SPG11: variants seen among roughly 807,000 people sequenced by gnomAD.
SPG11 encodes the protein SPG11 vesicle trafficking associated, spatacsin.
In SPG11, 222 loss-of-function variants were observed where a neutral mutation model predicts 274.0. The ratio of observed to expected loss-of-function variants is 0.81; its 90% CI spans 0.73 to 0.91. The LOEUF (loss-of-function observed/expected upper bound fraction) is 0.91, where lower values mean the gene tolerates loss of function less well. Among genes scored for constraint, SPG11 ranks in the 40% least tolerant of loss-of-function variants. The pLI is 0.00. For missense variants in SPG11, 3,114 were observed against 2,872.7 expected (o/e 1.08, Z -1.92); for synonymous variants, 1,144 against 1,039.7 (o/e 1.10, Z -1.93).
intron 18 of SPG11, among the ~76,000 whole-genome samples, chr15:44,610,343 C>T (rs1030421738): frequency 6.6e-5 from 10 of 151,918 alleles, no homozygotes; most frequent in Non-Finnish European, 7.4e-5. Context: ...TGTGAGCCAC[C>T]GCACTTGGCT....
Position 44,589,336 on chromosome 15 carries a change from G to A in SPG11, c.4822C>T (p.Leu1608Phe), listed in dbSNP as rs1205123910. 1.2e-6 allele frequency: 2 copies of A among 1,614,030 alleles called. No individual in the cohort carries two copies. Among genetic ancestry groups the A allele is most frequent in the African/African-American group, 1.3e-5 (1 of 74,932 alleles). The change falls in exon 28 of 40, where the codon CTT (leucine) becomes TTT (phenylalanine). Residue 1608 changes from leucine to phenylalanine, a missense_variant. Leu to Phe is a conservative substitution (Grantham distance 22). Coordinates refer to ENST00000261866, the MANE Select transcript of SPG11 (RefSeq NM_025137.4). ...LEDQVCFLLK[L>F]MLQQCKTQYE... ...TGGGTCTTACACTGCTGTAGCATAA[G>A]CTTCAAAAGGAAACACACCTGATCC... is the stretch of plus-strand genomic sequence containing the variant.
At chr15:44,630,327 C>T (rs915815107) in intron 8 of SPG11, among the ~76,000 whole-genome samples, 3 of 152,138 alleles carry the variant, frequency 2.0e-5, no homozygotes, top group African/African-American at 7.2e-5. Context: ...ACCAGTGCTT[C>T]TCATTCAGGT....
intron 7 of SPG11, among the ~76,000 whole-genome samples, chr15:44,642,448 A>G (rs2084482000): frequency 1.3e-5 from 2 of 151,252 alleles, no homozygotes; most frequent in South Asian, 4.1e-4. Context: ...ATATATACAC[A>G]CACACACATA....
At chr15:44,570,843 C>G (rs2082408818) in intron 33 of SPG11, among the ~76,000 whole-genome samples, 185 bp from the exon 34 acceptor site, 4 of 152,156 alleles carry the variant, frequency 2.6e-5, no homozygotes, top group Admixed American at 6.5e-5. Flanking sequence ...TGATGACATC[C>G]AAATCATTCT....
intron 27 of SPG11, chr15:44,591,041 G>C (rs936421271): frequency 6.6e-6 from 1 of 152,122 alleles, no homozygotes; most frequent in African/African-American, 2.4e-5. Context: ...CCTCTATTTG[G>C]AATGAATTTC....
At chr15:44,628,327 C>T (rs926562087) in intron 10 of SPG11, among the ~76,000 whole-genome samples, 3 of 152,190 alleles carry the variant, frequency 2.0e-5, no homozygotes, top group Non-Finnish European at 4.4e-5. Context: ...TTTATCCAGT[C>T]AGGCAGAATG....
chr15:44,622,196 T>C, intron 13 of SPG11, 24 bp downstream of exon 13: 1 of 1,606,284 alleles, frequency 6.2e-7, no homozygotes, highest in East Asian at 2.2e-5. Context: ...TCTAATATTA[T>C]CAAAAGAGGA....
At chr15:44,584,938 T>C (rs1307605003) in intron 29 of SPG11, among the ~76,000 whole-genome samples, 1 of 152,216 alleles carries the variant, frequency 6.6e-6, no homozygotes, top group Non-Finnish European at 1.5e-5. Flanking sequence ...CTTATCATAC[T>C]TGTTAAAACC....
rs2083566808 is a variant in SPG11 at position 44,615,381 on chromosome 15, A to G, written c.3020T>C (p.Val1007Ala). ...TACTCACTTGTAACAGTCAAGGTAG[A>G]CATAAAGAAGATGCTGCAGACTGTG... ...LEHSLQHLLY[V>A]YLDCYKLSPE... Residue 1007 changes from valine (V) to alanine (A), a missense_variant, in exon 16 of 40, where the codon GTC becomes GCC. Val to Ala is a moderately conservative substitution (Grantham distance 64). Transcript: ENST00000261866. 5 of 1,613,862 alleles carry G rather than the reference A, an allele frequency of 3.1e-6. No homozygotes were observed. Among genetic ancestry groups the G allele is most frequent in the Non-Finnish European group, 4.2e-6 (5 of 1,179,972 alleles).
At chr15:44,582,031 A>G (rs1376995293) in intron 30 of SPG11, among the ~76,000 whole-genome samples, 1 of 152,204 alleles carries the variant, frequency 6.6e-6, no homozygotes, top group East Asian at 1.9e-4. Flanking sequence ...CCAAGATAAG[A>G]AAGATAACCT....
chr15:44,647,780 TG>T (rs2084648969), intron 7 of SPG11, among the ~76,000 whole-genome samples: 1 of 152,198 alleles, frequency 6.6e-6, no homozygotes, highest in African/African-American at 2.4e-5. Context: ...TGGCCACTAA[TG>T]GTTATGGACT....
At chr15:44,623,484 A>G (rs1391869594) in intron 11 of SPG11, among the ~76,000 whole-genome samples, 1 of 152,126 alleles carries the variant, frequency 6.6e-6, no homozygotes, top group Non-Finnish European at 1.5e-5. Context: ...GACCCCAACC[A>G]TGCAGGTTAG....
intron 30 of SPG11, among the ~76,000 whole-genome samples, chr15:44,583,514 C>T (rs1261139633): frequency 6.6e-6 from 1 of 152,122 alleles, no homozygotes. Context: ...TTTCTATATA[C>T]TATCAATGTA....
chr15:44,656,029 A>C (rs2084930271), intron 4 of SPG11, among the ~76,000 whole-genome samples: 1 of 152,194 alleles, frequency 6.6e-6, no homozygotes, highest in Non-Finnish European at 1.5e-5. Flanking sequence ...GAGGAAATGG[A>C]GAAAGGCCCC....
At chr15:44,624,239 G>A (rs553967387) in intron 11 of SPG11, among the ~76,000 whole-genome samples, 1 of 151,532 alleles carries the variant, frequency 6.6e-6, no homozygotes, top group South Asian at 2.1e-4. Flanking sequence ...TATAATCTCT[G>A]CACTTTGGGA....
chr15:44,578,596 C>G (rs992323795), intron 30 of SPG11, among the ~76,000 whole-genome samples: 3 of 152,198 alleles, frequency 2.0e-5, no homozygotes, highest in African/African-American at 7.2e-5. Context: ...CTGGACTACA[C>G]ATGTATGGCC....
intron 15 of SPG11, 80 bp downstream of exon 15, chr15:44,620,110 A>G (rs1002095370): frequency 1.3e-5 from 15 of 1,125,260 alleles, no homozygotes; most frequent in Non-Finnish European, 1.9e-5. Context: ...TGGCATTTCA[A>G]AGGAAAAGCT....
intron 35 of SPG11, among the ~76,000 whole-genome samples, chr15:44,568,710 C>T (rs1452286790): frequency 6.9e-6 from 1 of 145,736 alleles, no homozygotes. Flanking sequence ...CACAATTTTT[C>T]ACAGTCTCCT....
intron 30 of SPG11, among the ~76,000 whole-genome samples, chr15:44,576,352 G>A (rs776794386): frequency 6.6e-6 from 1 of 151,590 alleles, no homozygotes; most frequent in Non-Finnish European, 1.5e-5. Flanking sequence ...GCAGCCATTA[G>A]AAAGAAGGGG....
Sources: allele counts gnomAD v4.1 joint callset (sites outside exome capture counted in the v4.1 genomes callset), GRCh38; gene constraint gnomAD v4.1.1; transcripts MANE v1.5; gene names NCBI Gene and HGNC (gene_info 2026-07-23, HGNC 2026-07-21).